Variants in RAB5C observed in about 807,000 individuals in gnomAD.
RAB5C encodes the protein RAB5C, member RAS oncogene family.
A neutral mutation model predicts 25.2 loss-of-function variants in RAB5C; 4 were observed. The ratio of observed to expected loss-of-function variants is 0.16; its 90% CI spans 0.08 to 0.36. RAB5C has a LOEUF of 0.36. Ranked by LOEUF, RAB5C falls within the 10% of genes least tolerant of loss-of-function variation. The pLI is 1.00. For synonymous variants in RAB5C, 100 were observed against 106.4 expected (o/e 0.94, Z 0.37); for missense variants, 199 against 283.8 (o/e 0.70, Z 2.15).
intron 1 of RAB5C, among the ~76,000 whole-genome samples, chr17:42,135,027 C>A (rs1031313488): frequency 1.3e-5 from 2 of 148,986 alleles, no homozygotes; most frequent in Non-Finnish European, 3.0e-5. Context: ...CTCACCCAGG[C>A]TGGAGTGCAG....
chr17:42,140,505 ATATATATATATTTTTTTTTTTT>A lies in RAB5C; in HGVS notation c.-88-9937_-88-9916del, dbSNP rs1441151629. Among the ~76,000 whole-genome samples, 99 of 71,522 alleles carry A rather than the reference ATATATATATATTTTTTTTTTTT, an allele frequency of 1.4e-3. 1 individual carries two copies. The highest frequency in any genetic ancestry group is 2.6e-3 in the African/African-American group (43 of 16,422). The allele number at this position is 71,522 out of a possible 152,430, so 46.9% of individuals were successfully genotyped here. ...TTAGAATATATATATATATATATAT[ATATATATATATTTTTTTTTTTT>A]TTTTTTTTTTTTTTGAGATGGAGTC... On this transcript the variant is annotated intron_variant, in intron 1 of 5. Transcript: ENST00000346213.
In RAB5C at chr17:42,147,143, A is replaced by AG. The variant is rs1491310692; in HGVS notation, c.-89+7749_-89+7750insC. On this transcript the variant is annotated intron_variant, in intron 1 of 5. Coordinates refer to ENST00000346213, the MANE Select transcript of RAB5C (RefSeq NM_004583.4). ...AAGAAACAGAAAGAAAGAAAGAAAG[A>AG]AAGAGAGAGAGAGAGAGAGAGAGAG... Among the ~76,000 whole-genome samples, 18 of 89,172 alleles carry AG rather than the reference A, an allele frequency of 2.0e-4. No individual in the cohort carries two copies. The African/African-American group carries it at 2.3e-3, about 11-fold the overall frequency. 58.5% of individuals were successfully genotyped at this position (89,172 alleles called of 152,430 possible). A position where few individuals can be genotyped will look rare whatever the true frequency, so the allele number is the denominator to read the frequency against.
intron 1 of RAB5C, among the ~76,000 whole-genome samples, chr17:42,133,042 G>C (rs1261567530): frequency 2.6e-5 from 4 of 152,172 alleles, no homozygotes; most frequent in Admixed American, 6.5e-5. Context: ...CAGCAACTTT[G>C]CTGGTCCAGG....
intron 5 of RAB5C, 133 bp from the exon 6 acceptor site, chr17:42,126,031 A>C (rs2054419492): frequency 4.6e-6 from 3 of 655,094 alleles, no homozygotes; most frequent in Non-Finnish European, 8.0e-6. Flanking sequence ...TGTCAGGTGC[A>C]TTCTGATTGT....
At chr17:42,138,435 T>C (rs2054559105) in intron 1 of RAB5C, among the ~76,000 whole-genome samples, 1 of 152,182 alleles carries the variant, frequency 6.6e-6, no homozygotes, top group Non-Finnish European at 1.5e-5. Flanking sequence ...GGTCCAGCTC[T>C]TAAACCTAGA....
At chr17:42,146,027 G>A (rs188253067) in intron 1 of RAB5C, among the ~76,000 whole-genome samples, 3 of 152,168 alleles carry the variant, frequency 2.0e-5, no homozygotes, top group Non-Finnish European at 2.9e-5. Flanking sequence ...GGCTGGTCTC[G>A]AACTCCTGAC....
At chr17:42,132,287 G>A (rs900467485) in intron 1 of RAB5C, among the ~76,000 whole-genome samples, 2 of 152,220 alleles carry the variant, frequency 1.3e-5, no homozygotes, top group African/African-American at 4.8e-5. Flanking sequence ...AGGAAAAGAG[G>A]TTTGAAATGG....
intron 4 of RAB5C, among the ~76,000 whole-genome samples, chr17:42,127,547 CTT>C (rs113883357): frequency 1.9e-4 from 27 of 142,940 alleles, no homozygotes; most frequent in Non-Finnish European, 2.2e-4. Context: ...TTATTCTTTT[CTT>C]TTTTTTTTTT....
intron 1 of RAB5C, among the ~76,000 whole-genome samples, chr17:42,147,011 A>C (rs1171818133): frequency 1.2e-5 from 1 of 84,020 alleles, no homozygotes; most frequent in Non-Finnish European, 2.1e-5. Context: ...AAAGAAAGAA[A>C]GAAAGACAGA....
chr17:42,135,626 T>C (rs564161840), intron 1 of RAB5C, among the ~76,000 whole-genome samples: 2 of 152,168 alleles, frequency 1.3e-5, no homozygotes, highest in Non-Finnish European at 2.9e-5. Context: ...TGTAAGTCCA[T>C]GAATGTGGGA....
intron 4 of RAB5C, 70 bp from the exon 5 acceptor site, chr17:42,126,918 T>C (rs911841817): frequency 1.0e-6 from 1 of 978,362 alleles, no homozygotes; most frequent in South Asian, 1.4e-5. Context: ...GGGCCCAGGA[T>C]ACAAACCTTC....
intron 1 of RAB5C, among the ~76,000 whole-genome samples, chr17:42,135,635 G>A (rs2054529111): frequency 6.6e-6 from 1 of 152,288 alleles, no homozygotes; most frequent in Admixed American, 6.5e-5. Context: ...ATGAATGTGG[G>A]AGGGGTCTTC....
At chr17:42,143,209 C>T (rs535631549) in intron 1 of RAB5C, among the ~76,000 whole-genome samples, 1 of 152,310 alleles carries the variant, frequency 6.6e-6, no homozygotes, top group Admixed American at 6.5e-5. Context: ...GTAACTATGA[C>T]TAACCATCAA....
At chr17:42,148,359 G>A (rs993898740) in intron 1 of RAB5C, among the ~76,000 whole-genome samples, 3 of 132,862 alleles carry the variant, frequency 2.3e-5, no homozygotes, top group African/African-American at 9.0e-5. Flanking sequence ...GAGCAAGATC[G>A]TACCATTGCA....
At chr17:42,151,269 T>A (rs2079669388) in intron 1 of RAB5C, among the ~76,000 whole-genome samples, 1 of 152,084 alleles carries the variant, frequency 6.6e-6, no homozygotes, top group Admixed American at 6.6e-5. Context: ...ACCCCATCTC[T>A]ACTAAAAATA....
In RAB5C at chr17:42,130,394, G is replaced by C. The variant is rs2054471723; in HGVS notation, c.109C>G (p.Leu37Val). The C allele has an allele frequency of 1.2e-6, 2 of 1,614,118 alleles. No individual in the cohort carries two copies. Among genetic ancestry groups the C allele is most frequent in the East Asian group, 4.5e-5 (2 of 44,880 alleles). The part of the protein sequence containing the change: ...LGESAVGKSS[L>V]VLRFVKGQFH... ...TGTCCCTTGACAAAGCGGAGGACGA[G>C]GCTGGATTTGCCTACCGCAGACTCC... is the stretch of plus-strand genomic sequence containing the variant. The change falls in exon 2 of 6, where the codon CTC (leucine) becomes GTC (valine). Residue 37 changes from leucine to valine, a missense_variant. Coordinates refer to ENST00000346213, the MANE Select transcript of RAB5C (RefSeq NM_004583.4).
intron 1 of RAB5C, among the ~76,000 whole-genome samples, chr17:42,138,940 G>A (rs2054564465): frequency 6.6e-6 from 1 of 152,178 alleles, no homozygotes; most frequent in Admixed American, 6.5e-5. Flanking sequence ...TCGGGTGGAA[G>A]ACACCCCTGA....
chr17:42,133,265 G>A (rs1250826568), intron 1 of RAB5C, among the ~76,000 whole-genome samples: 1 of 152,170 alleles, frequency 6.6e-6, no homozygotes, highest in Non-Finnish European at 1.5e-5. Flanking sequence ...GGAGGAGGAG[G>A]TATGAATGGA....
At chr17:42,128,197 T>C in intron 4 of RAB5C, 64 bp downstream of exon 4, 1 of 1,563,512 alleles carries the variant, frequency 6.4e-7, no homozygotes, top group South Asian at 1.2e-5. Flanking sequence ...CCCCTGAGCA[T>C]CCCAGGCGAG....
Sources: gnomAD v4.1 joint callset for allele counts (sites outside exome capture counted in the v4.1 genomes callset) on GRCh38, gnomAD v4.1.1 for gene constraint, MANE v1.5 for transcripts, NCBI Gene and HGNC (gene_info 2026-07-23, HGNC 2026-07-21) for gene names.